CCNY: variants seen among roughly 807,000 people sequenced by gnomAD.
CCNY encodes the protein cyclin Y, also known as cyclin-Y.
A neutral mutation model predicts 42.8 loss-of-function variants in CCNY; 19 were observed. The observed-to-expected ratio is 0.44, with a 90% CI of 0.31 to 0.65. The LOEUF (loss-of-function observed/expected upper bound fraction) is 0.65. Ranked by LOEUF, CCNY falls within the 30% of genes least tolerant of loss-of-function variation. CCNY has a pLI of 0.07. For synonymous variants in CCNY, 165 were observed against 162.7 expected (o/e 1.01, Z -0.11); for missense variants, 370 against 437.3 (o/e 0.85, Z 1.37).
At chr10:35,482,446 T>G (rs188714120) in intron 1 of CCNY, among the ~76,000 whole-genome samples, 358 of 152,348 alleles carry the variant, frequency 2.3e-3, no homozygotes, top group Non-Finnish European at 3.6e-3. Flanking sequence ...CAGTTTTTTG[T>G]TTTTTGTTTT....
At chr10:35,354,184 CTTTTTTT>C (rs549476804) in intron 1 of CCNY, among the ~76,000 whole-genome samples, 1 of 131,498 alleles carries the variant, frequency 7.6e-6, no homozygotes, top group Non-Finnish European at 1.6e-5. Context: ...CATACATAGT[CTTTTTTT>C]TTTTTTTTTT....
intron 1 of CCNY, among the ~76,000 whole-genome samples, chr10:35,435,850 T>G (rs1838518458): frequency 6.6e-6 from 1 of 152,190 alleles, no homozygotes; most frequent in African/African-American, 2.4e-5. Context: ...GGAGAACATC[T>G]GGCACAGATA....
At chr10:35,457,774 AG>A (rs35389205) in intron 1 of CCNY, among the ~76,000 whole-genome samples, 1 of 151,940 alleles carries the variant, frequency 6.6e-6, no homozygotes, top group East Asian at 1.9e-4. Context: ...TAGTAGAACC[AG>A]GGTTTCACCG....
intron 1 of CCNY, among the ~76,000 whole-genome samples, chr10:35,406,656 G>A (rs1053525172): frequency 1.3e-5 from 2 of 152,204 alleles, no homozygotes; most frequent in South Asian, 2.1e-4. Flanking sequence ...GCAACCATCC[G>A]ATTTCTCAGT....
intron 7 of CCNY, among the ~76,000 whole-genome samples, chr10:35,536,960 C>T (rs1212658285): frequency 6.6e-6 from 1 of 152,184 alleles, no homozygotes; most frequent in Non-Finnish European, 1.5e-5. Context: ...GGGAAAATGT[C>T]TCCAGGGCAT....
intron 1 of CCNY, among the ~76,000 whole-genome samples, chr10:35,452,407 A>C (rs1157660591): frequency 6.6e-6 from 1 of 152,228 alleles, no homozygotes; most frequent in Non-Finnish European, 1.5e-5. Context: ...ACAGCTTCTT[A>C]GTTCCTGTCA....
intron 3 of CCNY, among the ~76,000 whole-genome samples, chr10:35,260,126 C>T (rs2095718495): frequency 6.6e-6 from 1 of 152,080 alleles, no homozygotes; most frequent in African/African-American, 2.4e-5. Context: ...CCGGTGCTCT[C>T]TTTTCTCTCT....
chr10:35,568,754 C>T (rs1292275212), intron 9 of CCNY, among the ~76,000 whole-genome samples: 1 of 152,232 alleles, frequency 6.6e-6, no homozygotes, highest in African/African-American at 2.4e-5. Flanking sequence ...GGGCCCGTCC[C>T]ACACCCCTAG....
intron 1 of CCNY, among the ~76,000 whole-genome samples, chr10:35,376,589 A>G (rs965594894): frequency 1.3e-5 from 2 of 152,162 alleles, no homozygotes; most frequent in African/African-American, 2.4e-5. Flanking sequence ...GGATTTTTGT[A>G]TTAGGGATGG....
intron 1 of CCNY, among the ~76,000 whole-genome samples, chr10:35,476,825 C>T (rs1244810391): frequency 1.3e-5 from 2 of 151,862 alleles, no homozygotes; most frequent in African/African-American, 4.8e-5. Context: ...AAAAACCCTT[C>T]AAAAAAATCA....
chr10:35,397,687 T>C (rs1404244395), intron 1 of CCNY, among the ~76,000 whole-genome samples: 1 of 152,214 alleles, frequency 6.6e-6, no homozygotes, highest in Non-Finnish European at 1.5e-5. Flanking sequence ...GCAGCAGTGC[T>C]GGCAGTGCTT....
intron 3 of CCNY, among the ~76,000 whole-genome samples, chr10:35,300,340 T>C (rs1012030083): frequency 5.3e-5 from 8 of 152,008 alleles, no homozygotes; most frequent in Admixed American, 3.3e-4. Flanking sequence ...GTTCCCCTCC[T>C]GTATCACAAT....
chr10:35,545,860 A>G (rs190493606), intron 7 of CCNY, among the ~76,000 whole-genome samples: 15 of 152,336 alleles, frequency 9.8e-5, no homozygotes, highest in Non-Finnish European at 1.9e-4. Context: ...TTCCAGCATC[A>G]GGTACAAAAA....
intron 1 of CCNY, among the ~76,000 whole-genome samples, chr10:35,400,462 T>A (rs1204394980): frequency 6.6e-6 from 1 of 152,202 alleles, no homozygotes; most frequent in African/African-American, 2.4e-5. Flanking sequence ...TTGTAATTGC[T>A]GACTTGATTG....
At chr10:35,357,736 G>C (rs1264690673) in intron 1 of CCNY, among the ~76,000 whole-genome samples, 4 of 152,156 alleles carry the variant, frequency 2.6e-5, no homozygotes, top group Non-Finnish European at 5.9e-5. Context: ...GGGAGATTTA[G>C]ACTTTGTAAA....
intron 1 of CCNY, among the ~76,000 whole-genome samples, chr10:35,364,454 GT>G (rs1836767103): frequency 6.6e-6 from 1 of 152,132 alleles, no homozygotes; most frequent in African/African-American, 2.4e-5. Flanking sequence ...ACCATCAGAT[GT>G]ATGTTTTTAA....
At chr10:35,400,830 A>G (rs905578511) in intron 1 of CCNY, among the ~76,000 whole-genome samples, 2 of 152,214 alleles carry the variant, frequency 1.3e-5, no homozygotes, top group African/African-American at 4.8e-5. Flanking sequence ...AAGTTGAGCC[A>G]TGGTGCAGTT....
At chr10:35,401,151 A>C (rs1837635652) in intron 1 of CCNY, among the ~76,000 whole-genome samples, 1 of 152,196 alleles carries the variant, frequency 6.6e-6, no homozygotes, top group Non-Finnish European at 1.5e-5. Context: ...TTTTATACTG[A>C]GCTCTGTGTG....
rs1488237993 is a variant in CCNY at position 35,494,044 on chromosome 10, C to T, written c.230-7457C>T. Among the ~76,000 whole-genome samples, 8 of 152,126 alleles carry T rather than the reference C, an allele frequency of 5.3e-5. No homozygotes were observed. The East Asian group carries it at 5.8e-4, about 11-fold the overall frequency. On this transcript the variant is annotated intron_variant, in intron 2 of 9. Coordinates refer to ENST00000374704, the MANE Select transcript of CCNY (RefSeq NM_145012.6). ...ACAAGAGTAGAGGGTGGCTTCTGTG[C>T]ACTGCTGTGCCCAGTCCCATCTTTT...
Sources: allele counts gnomAD v4.1 joint callset (sites outside exome capture counted in the v4.1 genomes callset), GRCh38; gene constraint gnomAD v4.1.1; transcripts MANE v1.5; gene names NCBI Gene and HGNC (gene_info 2026-07-23, HGNC 2026-07-21).